The following SEPTIN2 variants were observed in gnomAD, a reference collection of about 807,000 sequenced individuals.
SEPTIN2 encodes the protein septin 2.
A neutral mutation model predicts 46.5 loss-of-function variants in SEPTIN2; 34 were observed. The ratio of observed to expected loss-of-function variants is 0.73; its 90% CI spans 0.56 to 0.97. The LOEUF (loss-of-function observed/expected upper bound fraction) is 0.97, where lower values mean the gene tolerates loss of function less well. Ranked by LOEUF, SEPTIN2 falls within the 50% of genes least tolerant of loss-of-function variation. The probability of loss-of-function intolerance (pLI) is 0.00; values close to 1 mark genes in which losing one functional copy is unlikely to be tolerated. For synonymous variants in SEPTIN2, 175 were observed against 153.4 expected, an observed-to-expected ratio of 1.14 and a Z score of -1.04; for missense variants, 347 against 448.4, an observed-to-expected ratio of 0.77 and a Z score of 2.04.
Position 241,347,053 on chromosome 2 carries a change from G to C in SEPTIN2, c.926+804G>C, listed in dbSNP as rs570853524. Among the ~76,000 whole-genome samples, 92 of 152,286 alleles carry C rather than the reference G, an allele frequency of 6.0e-4. 1 individual carries two copies. The highest frequency in any genetic ancestry group is 2.1e-3 in the African/African-American group (88 of 41,570). On this transcript the variant is annotated intron_variant, in intron 10 of 12. Transcript: ENST00000391971. ...GTGGATCACTTGAACCCAGTAGTTTGAGACCGGCCCTGGCAACATAGGGAG... is the reference window on the plus strand; with the variant it reads ...GTGGATCACTTGAACCCAGTAGTTTCAGACCGGCCCTGGCAACATAGGGAG...
At position 241,333,006 on chromosome 2, in the gene SEPTIN2, T is replaced by TA. The variant is rs773402507; in HGVS notation, c.131-2119dup. Among the ~76,000 whole-genome samples, 20 of 152,230 alleles carry TA rather than the reference T, an allele frequency of 1.3e-4. 1 individual carries two copies. Among genetic ancestry groups the TA allele is most frequent in the Non-Finnish European group, 2.8e-4 (19 of 68,034 alleles). ...CAGTTACACAAAGCAACTCTAGGGT[T>TA]ATGAAAATAATCTTTATCTTGAGTG... On this transcript the variant is annotated intron_variant, in intron 3 of 12. Coordinates refer to ENST00000391971, the MANE Select transcript of SEPTIN2 (RefSeq NM_004404.5).
intron 5 of SEPTIN2, 57 bp downstream of exon 5, chr2:241,336,155 T>G (rs776650757): frequency 4.3e-5 from 67 of 1,540,376 alleles, no homozygotes; most frequent in Non-Finnish European, 5.8e-5. Context: ...CTTCATAAAT[T>G]TATAGATAGT....
chr2:241,338,761 ATTG>A (rs1427197957), intron 7 of SEPTIN2, among the ~76,000 whole-genome samples: 6 of 110,266 alleles, frequency 5.4e-5, no homozygotes, highest in East Asian at 2.2e-4. Context: ...ATATATTTAT[ATTG>A]TTTATATATA....
chr2:241,347,326 G>A (rs572736709), intron 10 of SEPTIN2, among the ~76,000 whole-genome samples: 4 of 152,270 alleles, frequency 2.6e-5, no homozygotes, highest in African/African-American at 9.6e-5. Flanking sequence ...TACATATGTT[G>A]TACACATTGA....
intron 1 of SEPTIN2, among the ~76,000 whole-genome samples, chr2:241,318,690 T>C (rs1327493762): frequency 1.3e-5 from 2 of 151,214 alleles, no homozygotes; most frequent in African/African-American, 4.9e-5. Context: ...TTAACCAGAG[T>C]ATTTGTATTT....
intron 1 of SEPTIN2, among the ~76,000 whole-genome samples, chr2:241,318,559 A>T (rs890617674): frequency 1.3e-5 from 2 of 152,208 alleles, no homozygotes; most frequent in African/African-American, 4.8e-5. Flanking sequence ...TTGGATTTTT[A>T]AAAATTCTGT....
chr2:241,345,807 A>T (rs2150171043), intron 9 of SEPTIN2, among the ~76,000 whole-genome samples: 1 of 152,328 alleles, frequency 6.6e-6, no homozygotes, highest in South Asian at 2.1e-4. Context: ...AAGTCCTTTT[A>T]GAAGAGTGTC....
intron 7 of SEPTIN2, among the ~76,000 whole-genome samples, chr2:241,339,747 C>T (rs2080997798): frequency 6.6e-6 from 1 of 152,156 alleles, no homozygotes; most frequent in South Asian, 2.1e-4. Flanking sequence ...AGTCTTCCCT[C>T]AGATACCTGT....
At chr2:241,346,417 A>T in intron 10 of SEPTIN2, 168 bp downstream of exon 10, 1 of 483,946 alleles carries the variant, frequency 2.1e-6, no homozygotes, top group Non-Finnish European at 3.7e-6. Flanking sequence ...ATGCTCTTTT[A>T]GCCTTTTTAA....
chr2:241,347,742 T>C (rs755052094), intron 10 of SEPTIN2, among the ~76,000 whole-genome samples: 1 of 152,190 alleles, frequency 6.6e-6, no homozygotes, highest in Non-Finnish European at 1.5e-5. Flanking sequence ...AATGATAGGC[T>C]GGGCGTGGTG....
chr2:241,325,164 A>C (rs1312237552), intron 2 of SEPTIN2: 1 of 152,228 alleles, frequency 6.6e-6, no homozygotes. Context: ...GCATTTGACT[A>C]TACATTTACA....
At chr2:241,317,564 T>TG (rs1268807624) in intron 1 of SEPTIN2, 1 of 980,532 alleles carries the variant, frequency 1.0e-6, no homozygotes, top group Non-Finnish European at 1.2e-6. Flanking sequence ...TCTGGAGGAA[T>TG]GGGGACACCA....
At chr2:241,331,443 C>A (rs960169910) in intron 3 of SEPTIN2, among the ~76,000 whole-genome samples, 2 of 152,172 alleles carry the variant, frequency 1.3e-5, no homozygotes, top group African/African-American at 4.8e-5. Context: ...GTCATCCAGG[C>A]TAGAGTGCAA....
chr2:241,344,811 C>T (rs184917695), intron 9 of SEPTIN2, among the ~76,000 whole-genome samples: 89 of 152,234 alleles, frequency 5.8e-4, no homozygotes, highest in Admixed American at 3.3e-3. Context: ...CATGCCTGTA[C>T]TCCTGGCATT....
At chr2:241,336,591 A>G (rs1415522424) in intron 5 of SEPTIN2, among the ~76,000 whole-genome samples, 1 of 152,200 alleles carries the variant, frequency 6.6e-6, no homozygotes, top group East Asian at 1.9e-4. Context: ...GTCAACATAA[A>G]GCATCAGGTT....
intron 1 of SEPTIN2, among the ~76,000 whole-genome samples, chr2:241,319,453 G>GT (rs2076833680): frequency 6.6e-6 from 1 of 152,216 alleles, no homozygotes; most frequent in Admixed American, 6.5e-5. Flanking sequence ...AAGTTTTCAT[G>GT]TAAGTGCTTA....
At chr2:241,340,689 A>T (rs980033471) in intron 7 of SEPTIN2, among the ~76,000 whole-genome samples, 2 of 152,184 alleles carry the variant, frequency 1.3e-5, no homozygotes, top group South Asian at 4.1e-4. Flanking sequence ...CTGTATGCGA[A>T]ACATTTAGTG....
At chr2:241,342,850 T>A (rs1393781567) in intron 7 of SEPTIN2, 142 bp from the exon 8 acceptor site, 1 of 590,122 alleles carries the variant, frequency 1.7e-6, no homozygotes, top group Non-Finnish European at 3.1e-6. Flanking sequence ...TTTTATAAAT[T>A]TATTTGACAG....
rs563173979 is a variant in SEPTIN2, at chr2:241,321,329, T to A, written c.-17-2887T>A. ...TTTATGTGTTTATCTACAGTGATTA[T>A]TTGAATATACAGGCTTATGAATATT... On this transcript the variant is annotated intron_variant, in intron 1 of 12. Transcript: ENST00000391971. Among the ~76,000 whole-genome samples the A allele has an allele frequency of 5.9e-5, 9 of 152,228 alleles. 1 individual carries two copies. In the South Asian group the frequency reaches 1.9e-3, roughly 31 times the overall value.
Sources: allele counts gnomAD v4.1 joint callset (sites outside exome capture counted in the v4.1 genomes callset), GRCh38; gene constraint gnomAD v4.1.1; transcripts MANE v1.5; gene names NCBI Gene and HGNC (gene_info 2026-07-23, HGNC 2026-07-21).